Variants in SRRM2 observed in about 807,000 individuals in gnomAD.
SRRM2 encodes the protein serine/arginine repetitive matrix protein 2.
In SRRM2, 30 loss-of-function variants were observed where a neutral mutation model predicts 213.8. The ratio of observed to expected loss-of-function variants is 0.14; its 90% CI spans 0.10 to 0.19. SRRM2 has a LOEUF of 0.19. Ranked by LOEUF, SRRM2 falls within the 10% of genes least tolerant of loss-of-function variation. SRRM2 has a pLI of 1.00. For missense variants in SRRM2, 4,904 were observed against 3,647.0 expected (o/e 1.34, Z -8.88); for synonymous variants, 2,025 against 1,377.7 (o/e 1.47, Z -10.40).
In SRRM2 at chr16:2,764,015, G is replaced by A; in HGVS notation, c.3487G>A (p.Glu1163Lys). The A allele has an allele frequency of 6.2e-7, 1 of 1,614,150 alleles. No individual in the cohort carries two copies. The highest frequency in any genetic ancestry group is 8.5e-7 in the Non-Finnish European group (1 of 1,180,020). Residue 1163 changes from glutamate (E) to lysine (K), a missense_variant, in exon 11 of 15, where the codon GAA becomes AAA. Physicochemically the swap from Glu to Lys is moderately conservative, Grantham distance 56. Transcript: ENST00000301740. ...GGGGCAGAGTAGATTGGAGACTGCT[G>A]AATCAAAAGAGAAAATGGCCTTACC... ...LLGQSRLETA[E>K]SKEKMALPPQ...
chr16:2,756,820 C>G (rs1307002907), intron 2 of SRRM2, among the ~76,000 whole-genome samples: 1 of 151,986 alleles, frequency 6.6e-6, no homozygotes. Flanking sequence ...AGATGGGAGC[C>G]TGAGGTACTA....
rs749790092 is a variant in SRRM2 at position 2,767,251 on chromosome 16, C to T, written c.6723C>T (p.Asn2241=). 1.9e-6 allele frequency: 3 copies of T among 1,614,038 alleles called. No homozygotes were observed. The highest frequency in any genetic ancestry group is 1.1e-5 in the South Asian group (1 of 91,090). The change falls in exon 11 of 15, where the codon AAC becomes AAT. Residue 2241 remains asparagine, a synonymous_variant. Transcript: ENST00000301740. The part of the protein sequence containing the change: ...RIPAASAAAM[N]LASARTPAIP... ...CTGCAGCCTCTGCGGCAGCCATGAA[C>T]CTAGCCAGCGCCAGGACACCTGCCA... is the stretch of plus-strand genomic sequence containing the variant.
In SRRM2 at chr16:2,763,849, G is replaced by A. The variant is rs760587110; in HGVS notation, c.3321G>A (p.Glu1107=). 2 of 1,614,084 alleles carry A rather than the reference G, an allele frequency of 1.2e-6. No homozygotes were observed. Among genetic ancestry groups the A allele is most frequent in the Non-Finnish European group, 1.7e-6 (2 of 1,180,038 alleles). The change falls in exon 11 of 15, where the codon GAG becomes GAA. Residue 1107 remains glutamate (E), a synonymous_variant. Coordinates refer to ENST00000301740, the MANE Select transcript of SRRM2 (RefSeq NM_016333.4). ...CCAGGTCTTCATCTCCAGTCACTGAGCTGGCATCCAGATCTCCAATAAGAC... is the reference window on the plus strand; with the variant it reads ...CCAGGTCTTCATCTCCAGTCACTGAACTGGCATCCAGATCTCCAATAAGAC... ...GRSRSSSPVT[E]LASRSPIRQD...
At chr16:2,761,004 A>T (rs1055357514) in intron 10 of SRRM2, among the ~76,000 whole-genome samples, 2 of 152,238 alleles carry the variant, frequency 1.3e-5, no homozygotes, top group Non-Finnish European at 2.9e-5. Context: ...CATGTCATCC[A>T]GGGTTACCTT....
In SRRM2 at chr16:2,769,066, C is replaced by G; in HGVS notation, c.7803C>G (p.Ala2601=). Residue 2601 remains alanine (A), a synonymous_variant, in exon 12 of 15, where the codon GCC becomes GCG. Transcript: ENST00000301740. ...GACGTCCTCCGGAGCCAACCCCAGC[C>G]AAACGGAAGAGGCGCTCTAGCAGTT... The part of the protein sequence containing the change: ...REGRPPEPTP[A]KRKRRSSSSS... The G allele has an allele frequency of 6.2e-7, 1 of 1,614,148 alleles. No individual in the cohort carries two copies. Among genetic ancestry groups the G allele is most frequent in the Non-Finnish European group, 8.5e-7 (1 of 1,180,042 alleles).
Position 2,762,207 on chromosome 16 carries a change from G to C in SRRM2, c.1679G>C (p.Gly560Ala). 6.2e-7 allele frequency: 1 copy of C among 1,614,124 alleles called. No individual in the cohort carries two copies. ...RRGRSRSARR[G>A]RSHSRSPATR... Reference sequence around the variant, plus strand: ...GGCAGGTCTAGGTCAGCAAGGCGAGGGAGGTCCCACTCTAGATCCCCAGCC... The same window carrying C: ...GGCAGGTCTAGGTCAGCAAGGCGAGCGAGGTCCCACTCTAGATCCCCAGCC... The change falls in exon 11 of 15, where the codon GGG becomes GCG. Residue 560 changes from glycine (G) to alanine (A), a missense_variant. Transcript: ENST00000301740.
At position 2,767,502 on chromosome 16, in the gene SRRM2, C is replaced by T; in HGVS notation, c.6974C>T (p.Ser2325Phe). 1 of 1,614,228 alleles carries T rather than the reference C, an allele frequency of 6.2e-7. No homozygotes were observed. Among genetic ancestry groups the T allele is most frequent in the Non-Finnish European group, 8.5e-7 (1 of 1,180,028 alleles). The stretch of plus-strand genomic sequence containing the variant: ...CCACCAACTGCTGCAAACTATCCCT[C>T]CAGCTCCAGAACACCACAGGCTCCA... ...GTPPTAANYP[S>F]SSRTPQAPAS... The change falls in exon 11 of 15, where the codon TCC (serine) becomes TTC (phenylalanine). Residue 2325 changes from serine to phenylalanine, a missense_variant. Transcript: ENST00000301740.
chr16:2,770,083 G>A lies in SRRM2; in HGVS notation c.8022-269G>A, dbSNP rs1033526531. On this transcript the variant is annotated intron_variant, in intron 12 of 14. Transcript: ENST00000301740. ...ACATCCAGCCCTGCTTCCCACACAC[G>A]GGGCCGTGCGTGCCTTTCTTCACCA... The A allele has an allele frequency of 1.3e-5, 17 of 1,294,570 alleles. No individual in the cohort carries two copies. In the Admixed American group the frequency reaches 2.1e-4, roughly 16 times the overall value. 80.2% of individuals were successfully genotyped at this position (1,294,570 alleles called of 1,614,324 possible). A position where few individuals can be genotyped will look rare whatever the true frequency, so the allele number is the denominator to read the frequency against.
In SRRM2 at chr16:2,754,048, C is replaced by T. The variant is rs147058359; in HGVS notation, c.-32+1202C>T. Among the ~76,000 whole-genome samples the T allele has an allele frequency of 7.9e-4, 120 of 152,270 alleles. 1 individual carries two copies. Among genetic ancestry groups the T allele is most frequent in the African/African-American group, 2.3e-3 (96 of 41,564 alleles). ...TGTCTTCCTTTGTACTTTTTACTTT[C>T]TGCTTTTAACTTGGGTAACTTTTGC... is the stretch of plus-strand genomic sequence containing the variant. On this transcript the variant is annotated intron_variant, in intron 1 of 14. Coordinates refer to ENST00000301740, the MANE Select transcript of SRRM2 (RefSeq NM_016333.4).
intron 12 of SRRM2, 129 bp from the exon 13 acceptor site, chr16:2,770,223 C>A (rs937934839): frequency 1.9e-5 from 28 of 1,453,462 alleles, no homozygotes; most frequent in Non-Finnish European, 2.4e-5. Flanking sequence ...AGTGAGCGGA[C>A]AAAGGTGGGT....
chr16:2,765,320 T>G lies in SRRM2; in HGVS notation c.4792T>G (p.Ser1598Ala), dbSNP rs1378577968. ...KSRLSPRRSRSGSSPEVKDKP... is the reference protein window; with the variant it reads ...KSRLSPRRSRAGSSPEVKDKP... ...TCGACTATCCCCTCGGCGCAGTAGGTCTGGTTCCTCCCCTGAAGTGAAAGA... is the reference window on the plus strand; with the variant it reads ...TCGACTATCCCCTCGGCGCAGTAGGGCTGGTTCCTCCCCTGAAGTGAAAGA... The change falls in exon 11 of 15, where the codon TCT becomes GCT. Residue 1598 changes from serine to alanine, a missense_variant. Ser to Ala is a moderately conservative substitution (Grantham distance 99). Transcript: ENST00000301740. The G allele has an allele frequency of 1.9e-6, 3 of 1,613,908 alleles. No individual in the cohort carries two copies. Among genetic ancestry groups the G allele is most frequent in the Non-Finnish European group, 2.5e-6 (3 of 1,180,006 alleles).
intron 11 of SRRM2, 127 bp from the exon 12 acceptor site, chr16:2,768,870 G>A (rs1166915834): frequency 1.3e-5 from 20 of 1,540,384 alleles, no homozygotes; most frequent in East Asian, 2.4e-5. Context: ...GCTGGCTCAC[G>A]TGGCTCGGAG....
Position 2,757,563 on chromosome 16 carries a change from C to T in SRRM2, c.334C>T (p.Pro112Ser). The T allele has an allele frequency of 6.2e-7, 1 of 1,613,900 alleles. No homozygotes were observed. The highest frequency in any genetic ancestry group is 8.5e-7 in the Non-Finnish European group (1 of 1,179,864). The change falls in exon 3 of 15, where the codon CCA becomes TCA. Residue 112 changes from proline to serine, a missense_variant. Pro to Ser is a moderately conservative substitution (Grantham distance 74). Coordinates refer to ENST00000301740, the MANE Select transcript of SRRM2 (RefSeq NM_016333.4). ...GAACCCTGGGGGCAAGGAGGAGACC[C>T]CAGGGCAGAGGCCAGCGTGAGTGTT... ...DVNPGGKEET[P>S]GQRPAVTETH...
rs756538081 is a variant in SRRM2, at chr16:2,763,279, C to T, written c.2751C>T (p.Pro917=). Residue 917 remains proline, a synonymous_variant, in exon 11 of 15, where the codon CCC becomes CCT. Coordinates refer to ENST00000301740, the MANE Select transcript of SRRM2 (RefSeq NM_016333.4). The part of the protein sequence containing the change: ...QSPSRSSSPQ[P]KVKAIISPRQ... ...CATCTAGGTCATCATCTCCACAACC[C>T]AAAGTGAAGGCAATAATATCACCAA... The T allele has an allele frequency of 2.5e-6, 4 of 1,614,096 alleles. No homozygotes were observed. Among genetic ancestry groups the T allele is most frequent in the East Asian group, 2.2e-5 (1 of 44,876 alleles).
chr16:2,763,860 G>T lies in SRRM2; in HGVS notation c.3332G>T (p.Arg1111Ile), dbSNP rs750501928. The T allele has an allele frequency of 3.1e-6, 5 of 1,614,218 alleles. No homozygotes were observed. The highest frequency in any genetic ancestry group is 1.7e-5 in the Admixed American group (1 of 60,030). Residue 1111 changes from arginine to isoleucine, a missense_variant, in exon 11 of 15, where the codon AGA becomes ATA. Transcript: ENST00000301740. ...SSSPVTELASRSPIRQDRGEF... is the reference protein window; with the variant it reads ...SSSPVTELASISPIRQDRGEF... Reference sequence around the variant, plus strand: ...TCTCCAGTCACTGAGCTGGCATCCAGATCTCCAATAAGACAAGATAGAGGT... The same window carrying T: ...TCTCCAGTCACTGAGCTGGCATCCATATCTCCAATAAGACAAGATAGAGGT...
Position 2,752,746 on chromosome 16 carries a change from G to A in SRRM2, c.-132G>A. 2.8e-6 allele frequency: 1 copy of A among 352,286 alleles called. No individual in the cohort carries two copies. The highest frequency in any genetic ancestry group is 3.5e-5 in the Admixed American group (1 of 28,628). 21.8% of individuals were successfully genotyped at this position (352,286 alleles called of 1,614,324 possible). A position where few individuals can be genotyped will look rare whatever the true frequency, so the allele number is the denominator to read the frequency against. On this transcript the variant is annotated 5_prime_UTR_variant, in exon 1 of 15. Coordinates refer to ENST00000301740, the MANE Select transcript of SRRM2 (RefSeq NM_016333.4). Reference sequence around the variant, plus strand: ...CGGCGTCGGCTGAGGCGGGCGGACCGGCGAGGCGAGGCGGCGGCCCCAGGC... The same window carrying A: ...CGGCGTCGGCTGAGGCGGGCGGACCAGCGAGGCGAGGCGGCGGCCCCAGGC...
chr16:2,766,148 C>A lies in SRRM2; in HGVS notation c.5620C>A (p.Arg1874=), dbSNP rs146698076. The A allele has an allele frequency of 5.0e-6, 8 of 1,613,982 alleles. No homozygotes were observed. Among genetic ancestry groups the A allele is most frequent in the Non-Finnish European group, 6.8e-6 (8 of 1,180,026 alleles). The change falls in exon 11 of 15, where the codon CGG becomes AGG. Residue 1874 remains arginine (R), a synonymous_variant. Coordinates refer to ENST00000301740, the MANE Select transcript of SRRM2 (RefSeq NM_016333.4). This position sits in a 1 kb window ranked among gnomAD's most constrained non-coding sequence, Gnocchi z 7.0. ...SRSRASPATH[R]RSRSRTPLIS... is the part of the protein sequence containing the mutation. ...ATCTCGAGCCTCTCCAGCCACTCAC[C>A]GGCGATCCAGGTCCAGAACCCCCCT...
intron 1 of SRRM2, among the ~76,000 whole-genome samples, chr16:2,754,498 G>A (rs1488006761): frequency 6.6e-6 from 1 of 152,130 alleles, no homozygotes; most frequent in Non-Finnish European, 1.5e-5. Context: ...CACCGTGTTG[G>A]CCAGGCTGGT....
Position 2,762,869 on chromosome 16 carries a change from G to T in SRRM2, c.2341G>T (p.Gly781Trp). The stretch of plus-strand genomic sequence containing the variant: ...CTTGTCTTTGAGGCGCAGCCTTTCA[G>T]GGTCTTCCCCATGCCCTAAACAAAA... ...SRLSLRRSLSGSSPCPKQKSQ... is the reference protein window; with the variant it reads ...SRLSLRRSLSWSSPCPKQKSQ... Residue 781 changes from glycine (G) to tryptophan (W), a missense_variant, in exon 11 of 15, where the codon GGG (glycine) becomes TGG (tryptophan). Transcript: ENST00000301740. The T allele has an allele frequency of 6.2e-7, 1 of 1,614,114 alleles. No individual in the cohort carries two copies. The highest frequency in any genetic ancestry group is 2.2e-5 in the East Asian group (1 of 44,880).
Sources: allele counts gnomAD v4.1 joint callset (sites outside exome capture counted in the v4.1 genomes callset), GRCh38; gene constraint gnomAD v4.1.1; non-coding constraint Gnocchi (gnomAD v3.1); transcripts MANE v1.5; gene names NCBI Gene and HGNC (gene_info 2026-07-23, HGNC 2026-07-21).